Variants in EPHA10 observed in about 807,000 individuals in gnomAD.
EPHA10 encodes ephrin type-A receptor 10.
EPHA10 carries 120 observed loss-of-function variants against 109.7 expected under a neutral mutation model. The ratio of observed to expected loss-of-function variants is 1.09; its 90% CI spans 0.94 to 1.27. The LOEUF (loss-of-function observed/expected upper bound fraction) is 1.27, where lower values mean the gene tolerates loss of function less well. EPHA10 is among the 50% of genes most tolerant of loss of function. The pLI is 0.00. For missense variants in EPHA10, 1,396 were observed against 1,411.1 expected, an observed-to-expected ratio of 0.99 and a Z score of 0.17; for synonymous variants, 640 against 618.9, an observed-to-expected ratio of 1.03 and a Z score of -0.51.
chr1:37,728,121 C>A (rs1027751400), intron 7 of EPHA10, among the ~76,000 whole-genome samples: 6 of 152,138 alleles, frequency 3.9e-5, no homozygotes, highest in African/African-American at 1.4e-4. Flanking sequence ...GACCTGGAGA[C>A]TGGAAGGATT....
rs1553140367 is a variant in EPHA10 at position 37,753,038 on chromosome 1, G to GGAAGGCCACGCGCGGCCC, written c.1177_1194dup (p.Gly393_Phe398dup). On this transcript the variant is annotated inframe_insertion, in exon 5 of 17. Coordinates refer to ENST00000373048, the MANE Select transcript of EPHA10 (RefSeq NM_001099439.2). ...TCCCGCAGCCCTGCCTGGCGCGGTA[G>GGAAGGCCACGCGCGGCCC]GAAGGCCACGCGCGGCCCGCACGGC... 9.7e-6 allele frequency: 12 copies of GGAAGGCCACGCGCGGCCC among 1,235,038 alleles called. No homozygotes were observed. Among genetic ancestry groups the GGAAGGCCACGCGCGGCCC allele is most frequent in the Non-Finnish European group, 1.2e-5 (12 of 991,592 alleles). 76.5% of individuals were successfully genotyped at this position (1,235,038 alleles called of 1,614,324 possible). A position where few individuals can be genotyped will look rare whatever the true frequency, so the allele number is the denominator to read the frequency against.
Position 37,721,755 on chromosome 1 carries a change from G to A in EPHA10, c.2051C>T (p.Ser684Phe). Reference protein sequence around the residue: ...VAVHMLRDSASDSQRLGFLAE... With the variant: ...VAVHMLRDSAFDSQRLGFLAE... ...CAGGAAGCCGAGCCTCTGTGAGTCGGAGGCGCTGTCCCTCAGCATATGCAC... is the reference window on the plus strand; with the variant it reads ...CAGGAAGCCGAGCCTCTGTGAGTCGAAGGCGCTGTCCCTCAGCATATGCAC... Residue 684 changes from serine to phenylalanine, a missense_variant, in exon 11 of 17, where the codon TCC becomes TTC. By Grantham distance (155) the Ser-to-Phe change is radical. Coordinates refer to ENST00000373048, the MANE Select transcript of EPHA10 (RefSeq NM_001099439.2). 6.2e-7 allele frequency: 1 copy of A among 1,612,702 alleles called. No individual in the cohort carries two copies. The highest frequency in any genetic ancestry group is 8.5e-7 in the Non-Finnish European group (1 of 1,179,874).
rs1413117824 is a variant in EPHA10 at position 37,753,218 on chromosome 1, A to G, written c.1015T>C (p.Ser339Pro). ...CTGTACTGCAGGTCCCGCGGCGCCGACGGCGGCCCTGAGGCGGCACAGGGG... is the reference window on the plus strand; with the variant it reads ...CTGTACTGCAGGTCCCGCGGCGCCGGCGGCGGCCCTGAGGCGGCACAGGGG... ...PPSASCTRPP[S>P]APRDLQYSLS... Residue 339 changes from serine to proline, a missense_variant, in exon 5 of 17, where the codon TCG (serine) becomes CCG (proline). Coordinates refer to ENST00000373048, the MANE Select transcript of EPHA10 (RefSeq NM_001099439.2). 4 of 1,251,070 alleles carry G rather than the reference A, an allele frequency of 3.2e-6. No homozygotes were observed. The highest frequency in any genetic ancestry group is 4.0e-6 in the Non-Finnish European group (4 of 997,414). The allele number at this position is 1,251,070 out of a possible 1,614,324, so 77.5% of individuals were successfully genotyped here. A position where few individuals can be genotyped will look rare whatever the true frequency, so the allele number is the denominator to read the frequency against.
At chr1:37,733,380 C>T (rs566934503) in intron 6 of EPHA10, among the ~76,000 whole-genome samples, 1 of 151,814 alleles carries the variant, frequency 6.6e-6, no homozygotes, top group African/African-American at 2.4e-5. Context: ...CACCACCATG[C>T]CTGGCTAATT....
chr1:37,761,257 A>T, intron 3 of EPHA10, 148 bp downstream of exon 3: 1 of 1,503,310 alleles, frequency 6.7e-7, no homozygotes, highest in Non-Finnish European at 8.8e-7. Context: ...ACTCCACAAG[A>T]CTTCAGGGCT....
intron 7 of EPHA10, among the ~76,000 whole-genome samples, chr1:37,730,225 T>C (rs1234354712): frequency 1.3e-5 from 2 of 152,344 alleles, no homozygotes; most frequent in South Asian, 2.1e-4. Context: ...GCGAGAAGTG[T>C]GGTCTTCCTT....
At chr1:37,748,014 C>T (rs1276108728) in intron 5 of EPHA10, among the ~76,000 whole-genome samples, 1 of 152,022 alleles carries the variant, frequency 6.6e-6, no homozygotes, top group East Asian at 1.9e-4. Flanking sequence ...AAAATATTTT[C>T]TAGGAAAGCA....
At chr1:37,743,194 T>A (rs536529315) in intron 5 of EPHA10, among the ~76,000 whole-genome samples, 9 of 152,134 alleles carry the variant, frequency 5.9e-5, no homozygotes, top group African/African-American at 2.2e-4. Flanking sequence ...TGAAAAAATA[T>A]TTCAGAATAA....
chr1:37,746,068 G>A (rs1282161068), intron 5 of EPHA10, among the ~76,000 whole-genome samples: 1 of 150,792 alleles, frequency 6.6e-6, no homozygotes, highest in Non-Finnish European at 1.5e-5. Flanking sequence ...AAGAGTGAGT[G>A]AGCTGTGGTG....
At chr1:37,756,881 A>C (rs1646395789) in intron 3 of EPHA10, among the ~76,000 whole-genome samples, 1 of 152,160 alleles carries the variant, frequency 6.6e-6, no homozygotes, top group Non-Finnish European at 1.5e-5. Flanking sequence ...GCTGGAGTGC[A>C]GTGGCACAAT....
At position 37,723,363 on chromosome 1, in the gene EPHA10, G is replaced by A; in HGVS notation, c.1782C>T (p.Ser594=). The stretch of plus-strand genomic sequence containing the variant: ...GGGCATCCCCTCCTCCTTTGCCATA[G>A]CTGCAGGGCCTGGCAGGGAGTTCAG... The part of the protein sequence containing the change: ...SVLAIWRRPC[S]YGKGGGDAHD... The change falls in exon 9 of 17, where the codon AGC becomes AGT. Residue 594 remains serine, a synonymous_variant. Transcript: ENST00000373048. 6.2e-7 allele frequency: 1 copy of A among 1,614,174 alleles called. No individual in the cohort carries two copies. Among genetic ancestry groups the A allele is most frequent in the Non-Finnish European group, 8.5e-7 (1 of 1,180,022 alleles).
At chr1:37,734,704 G>C in intron 6 of EPHA10, 1 of 446,300 alleles carries the variant, frequency 2.2e-6, no homozygotes, top group Non-Finnish European at 4.5e-6. Flanking sequence ...GGATCAATTG[G>C]CCATATGGAG....
At chr1:37,725,506 CAAA>C (rs536628850) in intron 8 of EPHA10, among the ~76,000 whole-genome samples, 1,253 of 56,272 alleles carry the variant, frequency 0.022, 10 homozygotes, top group African/African-American at 0.086. Flanking sequence ...GGCTCCATCT[CAAA>C]AAAAAAAAAA....
chr1:37,725,185 G>T (rs115781853), intron 8 of EPHA10, among the ~76,000 whole-genome samples: 2,402 of 152,194 alleles, frequency 0.016, 60 homozygotes, highest in African/African-American at 0.055. Flanking sequence ...CAGGGTGTCT[G>T]CAGACCAAGA....
Position 37,718,480 on chromosome 1 carries a change from CA to C in EPHA10, c.2918del (p.Leu973ArgfsTer2). ...EAVAEMTAQD[L>X]VSLGISLAEH... Reference sequence around the variant, plus strand: ...CAGCCAAAGAGATGCCTAGGCTCACCAGGTCCCTGAAACAAAGGCTGGTCAC... The same window carrying C: ...CAGCCAAAGAGATGCCTAGGCTCACCGGTCCCTGAAACAAAGGCTGGTCAC... On this transcript the variant is annotated frameshift_variant, in exon 17 of 17. Transcript: ENST00000373048. LOFTEE classifies it high-confidence loss of function. The C allele has an allele frequency of 6.2e-7, 1 of 1,613,422 alleles. No individual in the cohort carries two copies. Among genetic ancestry groups the C allele is most frequent in the Non-Finnish European group, 8.5e-7 (1 of 1,179,998 alleles).
At chr1:37,725,091 G>T (rs2148318501) in intron 8 of EPHA10, among the ~76,000 whole-genome samples, 1 of 152,262 alleles carries the variant, frequency 6.6e-6, no homozygotes. Context: ...AGGTTTGTAG[G>T]TTTGGTGGTG....
rs1182000142 is a variant in EPHA10, at chr1:37,719,607, C to T, written c.2563G>A (p.Val855Met). Residue 855 changes from valine (V) to methionine (M), a missense_variant and splice_region_variant, in exon 15 of 17, where the codon GTG becomes ATG. Physicochemically the swap from Val to Met is conservative, Grantham distance 21. Transcript: ENST00000373048. The stretch of plus-strand genomic sequence containing the variant: ...AAGCCATCCTCCACAGCCTTGATCA[C>T]CTGGGCCACAGGGGTGGGGAGCAGA... ...RPYWDMSGQD[V>M]IKAVEDGFRL... 1.2e-6 allele frequency: 2 copies of T among 1,613,020 alleles called. No homozygotes were observed. The highest frequency in any genetic ancestry group is 1.7e-6 in the Non-Finnish European group (2 of 1,179,866).
intron 6 of EPHA10, among the ~76,000 whole-genome samples, chr1:37,732,022 G>A (rs1278354654): frequency 1.4e-5 from 2 of 140,844 alleles, no homozygotes; most frequent in Admixed American, 7.0e-5. Flanking sequence ...TCCTTTCCTC[G>A]ATGTCTGATT....
intron 2 of EPHA10, 35 bp from the exon 3 acceptor site, chr1:37,762,118 G>T (rs752424778): frequency 1.3e-6 from 2 of 1,532,374 alleles, no homozygotes; most frequent in East Asian, 4.5e-5. Context: ...GCAGCCCAGA[G>T]CCAAAGTGCT....
Sources: allele counts gnomAD v4.1 joint callset (sites outside exome capture counted in the v4.1 genomes callset), GRCh38; gene constraint gnomAD v4.1.1; transcripts MANE v1.5; gene names NCBI Gene and HGNC (gene_info 2026-07-23, HGNC 2026-07-21).